The following HOOK2 variants were observed in gnomAD, a reference collection of about 807,000 sequenced individuals.
The protein encoded by HOOK2 is protein Hook homolog 2.
A neutral mutation model predicts 111.9 loss-of-function variants in HOOK2; 108 were observed. The ratio of observed to expected loss-of-function variants is 0.96; its 90% CI spans 0.83 to 1.13. The LOEUF (loss-of-function observed/expected upper bound fraction) is 1.13, where lower values mean the gene tolerates loss of function less well. Among genes scored for constraint, HOOK2 ranks in the 50% most tolerant of loss-of-function variants. HOOK2 has a pLI of 0.00. For synonymous variants in HOOK2, 405 were observed against 394.3 expected (o/e 1.03, Z -0.32); for missense variants, 978 against 951.3 (o/e 1.03, Z -0.37).
At position 12,790,867 on chromosome 19, in the gene HOOK2, C is replaced by T. The variant is rs1004337603; in HGVS notation, n.42-16642G>A. ...GCTCCCATGAGCTCCTGGACCCCTACTCATTTCTTGCAATTTAATGGGTCA... is the reference window on the plus strand; with the variant it reads ...GCTCCCATGAGCTCCTGGACCCCTATTCATTTCTTGCAATTTAATGGGTCA... On this transcript the variant is annotated intron_variant and non_coding_transcript_variant, in intron 3 of 3. Transcript: ENST00000589765. The surrounding 1 kb of genome is among the most constrained non-coding windows in gnomAD (Gnocchi z 7.2). 2.6e-5 allele frequency among the ~76,000 whole-genome samples: 4 copies of T among 152,286 alleles called. No individual in the cohort carries two copies. Among genetic ancestry groups the T allele is most frequent in the Admixed American group, 6.5e-5 (1 of 15,290 alleles).
intron 6 of HOOK2, 97 bp from the exon 7 acceptor site, chr19:12,772,349 CA>C: frequency 7.3e-7 from 1 of 1,369,370 alleles, no homozygotes; most frequent in Non-Finnish European, 1.0e-6. Flanking sequence ...ATCCTCCCGT[CA>C]AGGCCAGTTC....
chr19:12,776,612 G>A (rs1331320178), upstream of HOOK2, among the ~76,000 whole-genome samples: 2 of 149,776 alleles, frequency 1.3e-5, no homozygotes, highest in Non-Finnish European at 3.0e-5. Flanking sequence ...CCTGGAGGCG[G>A]AGGTTGCAGT....
chr19:12,779,260 GC>G (rs372113203), upstream of HOOK2, among the ~76,000 whole-genome samples: 57 of 152,196 alleles, frequency 3.7e-4, no homozygotes, highest in African/African-American at 1.4e-3. Context: ...ACCCCGGCCT[GC>G]CCCCTCCAGC....
upstream of HOOK2, among the ~76,000 whole-genome samples, chr19:12,778,776 G>A (rs895539402): frequency 2.0e-5 from 3 of 152,236 alleles, no homozygotes; most frequent in Non-Finnish European, 4.4e-5. Context: ...CGTCCCAGAT[G>A]TTCGGGGAGC....
chr19:12,774,975 A>G (rs1599506914), intron 1 of HOOK2, 78 bp from the exon 2 acceptor site: 1 of 1,398,424 alleles, frequency 7.2e-7, no homozygotes, highest in East Asian at 2.5e-5. Context: ...AGACTTTTCC[A>G]GTCAGCGAAC....
rs1178232184 is a variant in HOOK2 at position 12,768,044 on chromosome 19, T to C, written c.1184A>G (p.Glu395Gly). 6.2e-7 allele frequency: 1 copy of C among 1,614,232 alleles called. No homozygotes were observed. Among genetic ancestry groups the C allele is most frequent in the African/African-American group, 1.3e-5 (1 of 75,076 alleles). The change falls in exon 12 of 23, where the codon GAA becomes GGA. Residue 395 changes from glutamate to glycine, a missense_variant. Coordinates refer to ENST00000397668, the MANE Select transcript of HOOK2 (RefSeq NM_013312.3). ...CTCCTTTGTCACCGACTCATACTTT[T>C]CCTCCAGGTTGCGGCATTCAAATAG... Reference protein sequence around the residue: ...KWLFECRNLEEKYESVTKEKE... With the variant: ...KWLFECRNLEGKYESVTKEKE...
At chr19:12,763,799 A>AT in intron 20 of HOOK2, 21 bp from the exon 21 acceptor site, 1 of 1,596,728 alleles carries the variant, frequency 6.3e-7, no homozygotes, top group Admixed American at 1.7e-5. Flanking sequence ...AGGAAGTCAT[A>AT]GCCAGGTGAC....
Position 12,765,555 on chromosome 19 carries a change from C to T in HOOK2, c.1640+135G>A, listed in dbSNP as rs1968121237. On this transcript the variant is annotated intron_variant, in intron 18 of 22. Coordinates refer to ENST00000397668, the MANE Select transcript of HOOK2 (RefSeq NM_013312.3). The stretch of plus-strand genomic sequence containing the variant: ...CTGGGGTCAGGAGTCCGAGACCAGC[C>T]TGGCCAACATAGTGAAACCCCGTCT... The T allele has an allele frequency of 6.5e-6, 8 of 1,231,950 alleles. No homozygotes were observed. In the South Asian group the frequency reaches 1.0e-4, roughly 16 times the overall value. 76.3% of individuals were successfully genotyped at this position (1,231,950 alleles called of 1,614,324 possible). A position where few individuals can be genotyped will look rare whatever the true frequency, so the allele number is the denominator to read the frequency against.
chr19:12,791,719 G>A lies in HOOK2; in HGVS notation n.42-17494C>T. The A allele has an allele frequency of 7.3e-7, 1 of 1,361,810 alleles. No homozygotes were observed. The highest frequency in any genetic ancestry group is 1.0e-6 in the Non-Finnish European group (1 of 999,752). The allele number at this position is 1,361,810 out of a possible 1,614,324, so 84.4% of individuals were successfully genotyped here. A position where few individuals can be genotyped will look rare whatever the true frequency, so the allele number is the denominator to read the frequency against. ...CGGAGAGCTCGCCGCTCGCTGCAGC[G>A]AGGCCCGGAGCGGCCCCGCAGGGAC... On this transcript the variant is annotated intron_variant and non_coding_transcript_variant, in intron 3 of 3. Coordinates refer to the HOOK2 transcript ENST00000589765. The surrounding 1 kb of genome is among the most constrained non-coding windows in gnomAD (Gnocchi z 7.0).
intron 3 of HOOK2, among the ~76,000 whole-genome samples, chr19:12,789,553 G>T (rs922868237): frequency 2.0e-5 from 3 of 152,084 alleles, no homozygotes; most frequent in African/African-American, 7.2e-5. Context: ...TGGGGACGGA[G>T]CTCCAGATCT....
intron 3 of HOOK2, chr19:12,787,137 T>C (rs1012132549): frequency 1.3e-5 from 2 of 153,014 alleles, no homozygotes; most frequent in African/African-American, 2.4e-5. Flanking sequence ...AGCTGAACTC[T>C]AGCCTGAGCA....
In HOOK2 at chr19:12,791,715, C is replaced by T. The variant is rs532513702; in HGVS notation, n.42-17490G>A. Reference sequence around the variant, plus strand: ...GCAGCGGAGAGCTCGCCGCTCGCTGCAGCGAGGCCCGGAGCGGCCCCGCAG... The same window carrying T: ...GCAGCGGAGAGCTCGCCGCTCGCTGTAGCGAGGCCCGGAGCGGCCCCGCAG... On this transcript the variant is annotated intron_variant and non_coding_transcript_variant, in intron 3 of 3. Transcript: ENST00000589765. The surrounding 1 kb of genome is among the most constrained non-coding windows in gnomAD (Gnocchi z 7.0). 97 of 1,334,140 alleles carry T rather than the reference C, an allele frequency of 7.3e-5. No homozygotes were observed. The African/African-American group carries it at 1.4e-3, about 19-fold the overall frequency. 82.6% of individuals were successfully genotyped at this position (1,334,140 alleles called of 1,614,324 possible). A position where few individuals can be genotyped will look rare whatever the true frequency, so the allele number is the denominator to read the frequency against.
At chr19:12,777,650 C>G (rs2145787865), upstream of HOOK2, among the ~76,000 whole-genome samples, 1 of 152,348 alleles carries the variant, frequency 6.6e-6, no homozygotes, top group South Asian at 2.1e-4. Flanking sequence ...ATTCCCCCCG[C>G]GCCTTGCCCT....
In HOOK2 at chr19:12,770,998, C is replaced by T. The variant is rs773181447; in HGVS notation, c.836G>A (p.Arg279Gln). The change falls in exon 10 of 23, where the codon CGG becomes CAG. Residue 279 changes from arginine to glutamine, a missense_variant. Coordinates refer to ENST00000397668, the MANE Select transcript of HOOK2 (RefSeq NM_013312.3). ...LEREVAELQHRNQALTSLAQE... is the reference protein window; with the variant it reads ...LEREVAELQHQNQALTSLAQE... The stretch of plus-strand genomic sequence containing the variant: ...GGCCAGGCTAGTCAGCGCCTGGTTC[C>T]GGTGCTGCAGCTCCGCAACCTCCCT... The T allele has an allele frequency of 1.1e-5, 18 of 1,612,434 alleles. No individual in the cohort carries two copies. The South Asian group carries it at 1.2e-4, about 11-fold the overall frequency.
intron 13 of HOOK2, 54 bp from the exon 14 acceptor site, chr19:12,767,518 C>G (rs1968190699): frequency 7.1e-7 from 1 of 1,413,620 alleles, no homozygotes. Flanking sequence ...GTCCCCGCCC[C>G]TAGGGTCTTC....
rs370870345 is a variant in HOOK2 at position 12,772,845 on chromosome 19, G to A, written c.323C>T (p.Pro108Leu). 4.5e-5 allele frequency: 73 copies of A among 1,614,056 alleles called. No individual in the cohort carries two copies. Among genetic ancestry groups the A allele is most frequent in the Non-Finnish European group, 5.6e-5 (66 of 1,180,044 alleles). ...CTGAAGCAGCTTGCCGAGCTCTGCC[G>A]GGTCTGAGAACTCTCCAATGAGGCT... ...DVSLIGEFSDPAELGKLLQLV... is the reference protein window; with the variant it reads ...DVSLIGEFSDLAELGKLLQLV... Residue 108 changes from proline to leucine, a missense_variant, in exon 5 of 23, where the codon CCG (proline) becomes CTG (leucine). Physicochemically the swap from Pro to Leu is moderately conservative, Grantham distance 98. Coordinates refer to ENST00000397668, the MANE Select transcript of HOOK2 (RefSeq NM_013312.3).
intron 11 of HOOK2, among the ~76,000 whole-genome samples, chr19:12,768,988 C>T (rs1394353813): frequency 2.3e-5 from 3 of 129,914 alleles, no homozygotes; most frequent in African/African-American, 8.9e-5. Context: ...TTTTTCGAGA[C>T]GGAGTCTTGC....
At chr19:12,778,158 A>C (rs1273552050), upstream of HOOK2, 1 of 145,454 alleles carries the variant, frequency 6.9e-6, no homozygotes, top group African/African-American at 2.5e-5. Flanking sequence ...CGGGCTCTGC[A>C]TTGGGGGCGG....
upstream of HOOK2, chr19:12,775,753 C>G (rs1968488473): frequency 3.1e-6 from 1 of 322,000 alleles, no homozygotes; most frequent in Non-Finnish European, 5.6e-6. Flanking sequence ...GTGGTCCCAC[C>G]TCCCATCCTC....
Sources: gnomAD v4.1 joint callset for allele counts (sites outside exome capture counted in the v4.1 genomes callset) on GRCh38, gnomAD v4.1.1 for gene constraint, Gnocchi (gnomAD v3.1) non-coding constraint, MANE v1.5 for transcripts, NCBI Gene and HGNC (gene_info 2026-07-23, HGNC 2026-07-21) for gene names.